Variants in ITPK1 observed in about 807,000 individuals in gnomAD.
ITPK1 encodes the protein inositol 1,3,4-trisphosphate 5/6-kinase.
Under a neutral mutation model 45.3 loss-of-function variants are expected in ITPK1, and 21 were observed. The ratio of observed to expected loss-of-function variants is 0.46; its 90% CI spans 0.33 to 0.67. ITPK1 has a LOEUF of 0.67. Among genes scored for constraint, ITPK1 ranks in the 30% least tolerant of loss-of-function variants. The pLI is 0.02. For synonymous variants in ITPK1, 258 were observed against 253.6 expected, an observed-to-expected ratio of 1.02 and a Z score of -0.16; for missense variants, 474 against 573.5, an observed-to-expected ratio of 0.83 and a Z score of 1.77.
At chr14:92,994,545 A>G (rs1406253123) in intron 4 of ITPK1, among the ~76,000 whole-genome samples, 2 of 152,224 alleles carry the variant, frequency 1.3e-5, no homozygotes, top group African/African-American at 4.8e-5. Flanking sequence ...ACCAGTCTCT[A>G]AGGAACTTAC....
Position 93,107,821 on chromosome 14 carries a change from A to G in ITPK1, c.95+7248T>C, listed in dbSNP as rs114915238. Among the ~76,000 whole-genome samples the G allele has an allele frequency of 9.3e-3, 1,413 of 152,288 alleles. 35 individuals are homozygous for G. The highest frequency in any genetic ancestry group is 0.032 in the African/African-American group (1,344 of 41,556). ...AGGATGGGCCTACAGAAACCAGCCC[A>G]TGAGGCTCTGCTGGGGAGATGCAGG... On this transcript the variant is annotated intron_variant, in intron 2 of 10. Coordinates refer to ENST00000267615, the MANE Select transcript of ITPK1 (RefSeq NM_014216.6).
intron 3 of ITPK1, among the ~76,000 whole-genome samples, chr14:93,020,792 C>T (rs533912146): frequency 1.6e-4 from 24 of 152,276 alleles, no homozygotes; most frequent in Admixed American, 2.6e-4. Flanking sequence ...CTCTAGGAAC[C>T]TCAGTTTCCT....
At chr14:93,027,240 C>G (rs1392441660) in intron 3 of ITPK1, among the ~76,000 whole-genome samples, 2 of 152,166 alleles carry the variant, frequency 1.3e-5, no homozygotes, top group African/African-American at 4.8e-5. Context: ...AAATTTAAAA[C>G]CAGTGAAATG....
intron 4 of ITPK1, among the ~76,000 whole-genome samples, chr14:92,995,916 C>T (rs946836136): frequency 1.3e-5 from 2 of 152,254 alleles, no homozygotes; most frequent in Admixed American, 6.5e-5. Context: ...CAAGCACCTA[C>T]ACCTGATCCC....
At chr14:92,954,457 T>A (rs1003107058) in intron 8 of ITPK1, among the ~76,000 whole-genome samples, 1 of 152,148 alleles carries the variant, frequency 6.6e-6, no homozygotes, top group Non-Finnish European at 1.5e-5. Flanking sequence ...GCTCCCAGCA[T>A]GTATCAGCAA....
chr14:93,057,872 T>C (rs1890275390), intron 3 of ITPK1, among the ~76,000 whole-genome samples: 2 of 152,246 alleles, frequency 1.3e-5, no homozygotes, highest in African/African-American at 4.8e-5. Flanking sequence ...AGAAAAAGGA[T>C]CATGACCCAC....
At chr14:93,003,356 T>C (rs1887446890) in intron 4 of ITPK1, among the ~76,000 whole-genome samples, 1 of 152,186 alleles carries the variant, frequency 6.6e-6, no homozygotes, top group Admixed American at 6.5e-5. Flanking sequence ...TAACTTGTCA[T>C]CAACCAAGGC....
chr14:92,997,655 C>CA (rs1887126795), intron 4 of ITPK1, among the ~76,000 whole-genome samples: 1 of 152,214 alleles, frequency 6.6e-6, no homozygotes, highest in Admixed American at 6.5e-5. Flanking sequence ...TATCACCACT[C>CA]AGAGGAAGAA....
At chr14:92,994,019 CTGGT>C in intron 4 of ITPK1, 22 bp from the exon 5 acceptor site, 7 of 1,534,192 alleles carry the variant, frequency 4.6e-6, no homozygotes, top group African/African-American at 1.4e-5. Flanking sequence ...GCATGCTGCT[CTGGT>C]TAGAGCAGGG....
chr14:93,020,465 C>T (rs539714998), intron 3 of ITPK1, among the ~76,000 whole-genome samples: 48 of 152,338 alleles, frequency 3.2e-4, no homozygotes, highest in African/African-American at 1.1e-3. Context: ...CCCTTCCCTG[C>T]ACCTCACAGG....
intron 7 of ITPK1, among the ~76,000 whole-genome samples, chr14:92,960,879 C>T (rs1026674368): frequency 2.6e-5 from 4 of 152,210 alleles, no homozygotes; most frequent in Non-Finnish European, 5.9e-5. Context: ...AGGTAGGCTG[C>T]GGCAGGAGGG....
At chr14:92,969,853 A>G (rs1372749112) in intron 5 of ITPK1, among the ~76,000 whole-genome samples, 3 of 152,068 alleles carry the variant, frequency 2.0e-5, no homozygotes, top group East Asian at 1.9e-4. Context: ...TTGAGAGCGA[A>G]TATCAGCCCC....
intron 9 of ITPK1, among the ~76,000 whole-genome samples, chr14:92,947,451 G>GGCACT (rs1887743122): frequency 6.6e-6 from 1 of 152,236 alleles, no homozygotes; most frequent in Admixed American, 6.5e-5. Context: ...AAGGAAGTGG[G>GGCACT]GCACTGCACT....
At chr14:93,000,633 T>C (rs1887287031) in intron 4 of ITPK1, among the ~76,000 whole-genome samples, 1 of 152,144 alleles carries the variant, frequency 6.6e-6, no homozygotes, top group African/African-American at 2.4e-5. Flanking sequence ...TGAACTGTTG[T>C]GCATCTCCAG....
intron 5 of ITPK1, among the ~76,000 whole-genome samples, chr14:92,977,157 A>G (rs906718466): frequency 6.6e-6 from 1 of 152,268 alleles, no homozygotes; most frequent in Non-Finnish European, 1.5e-5. Context: ...AACAGAAACC[A>G]GCATGCAGAA....
At chr14:92,944,403 G>T (rs767351013) in intron 10 of ITPK1, among the ~76,000 whole-genome samples, 1 of 152,072 alleles carries the variant, frequency 6.6e-6, no homozygotes, top group African/African-American at 2.4e-5. Flanking sequence ...CATCTGGGTG[G>T]CCCTTCTCTT....
chr14:93,050,858 G>A (rs1394080538), intron 3 of ITPK1, among the ~76,000 whole-genome samples: 1 of 151,962 alleles, frequency 6.6e-6, no homozygotes, highest in Non-Finnish European at 1.5e-5. Context: ...TCAGCAAGCA[G>A]AGCTGGCAGA....
chr14:93,030,363 T>C (rs1888972126), intron 3 of ITPK1, among the ~76,000 whole-genome samples: 1 of 152,242 alleles, frequency 6.6e-6, no homozygotes, highest in African/African-American at 2.4e-5. Context: ...CTCCTCTGGT[T>C]TTCTCAAAGC....
In ITPK1 at chr14:92,979,682, C is replaced by A. The variant is rs150074918; in HGVS notation, c.364+14198G>T. 2.3e-4 allele frequency among the ~76,000 whole-genome samples: 35 copies of A among 152,272 alleles called. No individual in the cohort carries two copies. The East Asian group carries it at 6.8e-3, about 29-fold the overall frequency. ...TAAAGACATGCCTACTTCCCCTTTG[C>A]CTTCCGCCATGATTGTAAGTTTCCT... On this transcript the variant is annotated intron_variant, in intron 5 of 10. Transcript: ENST00000267615.
Sources: gnomAD v4.1 joint callset for allele counts (sites outside exome capture counted in the v4.1 genomes callset) on GRCh38, gnomAD v4.1.1 for gene constraint, MANE v1.5 for transcripts, NCBI Gene and HGNC (gene_info 2026-07-23, HGNC 2026-07-21) for gene names.